TEX9: variants seen among roughly 807,000 people sequenced by gnomAD.
The protein encoded by TEX9 is testis expressed 9, also known as testis-expressed protein 9.
Under a neutral mutation model 59.6 loss-of-function variants are expected in TEX9, and 74 were observed. The observed-to-expected ratio is 1.24, with a 90% CI of 1.03 to 1.51. The LOEUF (loss-of-function observed/expected upper bound fraction) is 1.51. Among genes scored for constraint, TEX9 ranks in the 40% most tolerant of loss-of-function variants. The probability of loss-of-function intolerance (pLI) is 0.00; values close to 1 mark genes in which losing one functional copy is unlikely to be tolerated. For missense variants in TEX9, 522 were observed against 447.8 expected (o/e 1.17, Z -1.49); for synonymous variants, 186 against 152.2 (o/e 1.22, Z -1.64).
chr15:56,406,731 C>T (rs556645704), intron 9 of TEX9, among the ~76,000 whole-genome samples: 17 of 152,064 alleles, frequency 1.1e-4, no homozygotes, highest in South Asian at 2.1e-4. Context: ...GTTTCTTGGC[C>T]GTTCATATAT....
intron 12 of TEX9, among the ~76,000 whole-genome samples, chr15:56,430,541 G>C (rs62023867): frequency 6.6e-6 from 1 of 152,050 alleles, no homozygotes; most frequent in Non-Finnish European, 1.5e-5. Flanking sequence ...GTGTGTCTCA[G>C]GTATACATTA....
chr15:56,300,544 A>G (rs1469922134), intron 1 of TEX9, among the ~76,000 whole-genome samples: 1 of 151,256 alleles, frequency 6.6e-6, no homozygotes, highest in Non-Finnish European at 1.5e-5. Flanking sequence ...TTGAGGGAAC[A>G]TAAGCAGAAG....
rs2050468409 is a variant in TEX9, at chr15:56,429,014, T to A, written c.*29+541T>A. 4.3e-6 allele frequency: 3 copies of A among 696,436 alleles called. No homozygotes were observed. The African/African-American group carries it at 5.6e-5, about 13-fold the overall frequency. 43.1% of individuals were successfully genotyped at this position (696,436 alleles called of 1,614,324 possible). ...AAAATCCAAACAGACAATGGATACC[T>A]AATGCCACTGAACTGTAAAACAAAA... On this transcript the variant is annotated intron_variant, in intron 12 of 12. Coordinates refer to ENST00000352903, the Ensembl canonical transcript of TEX9.
chr15:56,319,648 C>T (rs140465606), intron 1 of TEX9, among the ~76,000 whole-genome samples: 90 of 152,088 alleles, frequency 5.9e-4, no homozygotes, highest in Middle Eastern at 6.8e-3. Context: ...TTGTCTGGGC[C>T]CAGCAGAAAC....
chr15:56,393,627 A>C (rs1395563348), intron 7 of TEX9: 2 of 152,254 alleles, frequency 1.3e-5, no homozygotes, highest in Admixed American at 1.3e-4. Context: ...ATATTATTGA[A>C]TAATGAACTT....
chr15:56,439,456 A>T (rs78907028), intron 12 of TEX9, among the ~76,000 whole-genome samples: 10 of 137,402 alleles, frequency 7.3e-5, no homozygotes, highest in Admixed American at 2.9e-4. Flanking sequence ...TAAAAAAAAA[A>T]TTTTAAGACT....
intron 1 of TEX9, among the ~76,000 whole-genome samples, chr15:56,346,964 T>C (rs779146456): frequency 1.3e-5 from 2 of 152,204 alleles, no homozygotes; most frequent in Non-Finnish European, 2.9e-5. Context: ...AGTAAAAATA[T>C]GATACCATTT....
At chr15:56,457,650 T>C in the TEX9 span, among the ~76,000 whole-genome samples, 2 of 152,090 alleles carry the variant, frequency 1.3e-5, no homozygotes, top group Non-Finnish European at 2.9e-5. Context: ...AGAGAGGTGC[T>C]GTCCTTACAG....
At chr15:56,381,263 A>G (rs1301777008) in intron 3 of TEX9, among the ~76,000 whole-genome samples, 5 of 152,108 alleles carry the variant, frequency 3.3e-5, no homozygotes, top group Non-Finnish European at 7.4e-5. Context: ...AATTATGTCA[A>G]TCTGTTCGTT....
At chr15:56,444,488 G>A (rs747975320) in intron 12 of TEX9, 1 of 1,608,542 alleles carries the variant, frequency 6.2e-7, no homozygotes, top group African/African-American at 1.3e-5. Context: ...CATCAATCAT[G>A]AGTTTCTCTT....
chr15:56,282,902 G>A (rs1187092554), intron 1 of TEX9, among the ~76,000 whole-genome samples: 1 of 152,086 alleles, frequency 6.6e-6, no homozygotes, highest in Non-Finnish European at 1.5e-5. Context: ...TTATTTTAAA[G>A]TTTATTCTGG....
At chr15:56,339,397 A>AAAAAAAAAACAAAAC (rs2046325537) in intron 1 of TEX9, among the ~76,000 whole-genome samples, 3 of 61,100 alleles carry the variant, frequency 4.9e-5, no homozygotes, top group African/African-American at 1.2e-4. Context: ...AAAAAAAAAA[A>AAAAAAAAAACAAAAC]AAAAAAAAAA....
downstream of TEX9, chr15:56,445,945 C>T (rs1478635092): frequency 6.6e-6 from 1 of 152,046 alleles, no homozygotes; most frequent in Admixed American, 6.6e-5. Context: ...AATGAAGTCT[C>T]TCCACCTTTT....
chr15:56,316,692 C>G (rs192152952), intron 1 of TEX9, among the ~76,000 whole-genome samples: 1 of 152,156 alleles, frequency 6.6e-6, no homozygotes, highest in African/African-American at 2.4e-5. Flanking sequence ...TTGGAGCTTC[C>G]GGGCTGCTTT....
chr15:56,272,052 G>C (rs2044546970), intron 1 of TEX9, among the ~76,000 whole-genome samples: 1 of 152,082 alleles, frequency 6.6e-6, no homozygotes, highest in African/African-American at 2.4e-5. Flanking sequence ...GCTGAGGCAG[G>C]GGAATGGCCG....
chr15:56,445,475 A>C (rs2140361674), intron 12 of TEX9, among the ~76,000 whole-genome samples: 1 of 152,192 alleles, frequency 6.6e-6, no homozygotes, highest in East Asian at 1.9e-4. Context: ...ACAGATTAAA[A>C]TATGAATACT....
downstream of TEX9, chr15:56,446,722 A>G (rs1178063094): frequency 3.6e-5 from 25 of 700,446 alleles, no homozygotes; most frequent in Non-Finnish European, 5.7e-5. Context: ...AAAATTTACA[A>G]ATATTTAAGA....
chr15:56,426,589 G>GTATATATATATATATATA (rs71110391), intron 10 of TEX9, among the ~76,000 whole-genome samples: 6 of 24,324 alleles, frequency 2.5e-4, no homozygotes, highest in East Asian at 1.2e-3. Flanking sequence ...TTGAAAAGGT[G>GTATATATATATATATATA]TATATATATA....
chr15:56,245,258 A>G (rs1596038117), intron 1 of TEX9, among the ~76,000 whole-genome samples: 1 of 152,134 alleles, frequency 6.6e-6, no homozygotes, highest in South Asian at 2.1e-4. Flanking sequence ...TGGCCCACAG[A>G]CTTAAGGCCC....
Sources: gnomAD v4.1 joint callset for allele counts (sites outside exome capture counted in the v4.1 genomes callset) on GRCh38, gnomAD v4.1.1 for gene constraint, MANE v1.5 for transcripts, NCBI Gene and HGNC (gene_info 2026-07-23, HGNC 2026-07-21) for gene names.